The following MYO3B variants were observed in gnomAD, a reference collection of about 807,000 sequenced individuals.
MYO3B encodes myosin-IIIb.
In MYO3B, 156 loss-of-function variants were observed where a neutral mutation model predicts 174.6. That is an observed-to-expected ratio of 0.89 (90% CI 0.78 to 1.02). MYO3B has a LOEUF of 1.02. Among genes scored for constraint, MYO3B ranks in the 50% least tolerant of loss-of-function variants. The pLI is 0.00. For synonymous variants in MYO3B, 563 were observed against 569.1 expected, an observed-to-expected ratio of 0.99 and a Z score of 0.15; for missense variants, 1,632 against 1,639.4, an observed-to-expected ratio of 1.00 and a Z score of 0.08.
chr2:170,426,795 G>A (rs1304999759), intron 22 of MYO3B, among the ~76,000 whole-genome samples: 4 of 151,956 alleles, frequency 2.6e-5, no homozygotes, highest in African/African-American at 7.2e-5. Context: ...CAAGGCAGGC[G>A]GATCATGAGG....
intron 6 of MYO3B, among the ~76,000 whole-genome samples, chr2:170,228,542 T>C (rs2092977833): frequency 6.6e-6 from 1 of 152,136 alleles, no homozygotes; most frequent in Non-Finnish European, 1.5e-5. Flanking sequence ...GAACGGGACT[T>C]AACACACAAG....
intron 6 of MYO3B, among the ~76,000 whole-genome samples, chr2:170,235,086 C>G (rs547594736): frequency 6.6e-6 from 1 of 152,314 alleles, no homozygotes; most frequent in South Asian, 2.1e-4. Flanking sequence ...CTCTGGTCTT[C>G]CTGTGCTCAC....
rs559086883 is a variant in MYO3B, at chr2:170,537,448, ATTTTTTTTT to A, written c.3576-5433_3576-5425del. ...ACCTTCTCTTATTAAGAGCTCTTTG[ATTTTTTTTT>A]TTTTTTTTTTTTTTTTTTTTTTTTG... On this transcript the variant is annotated intron_variant, in intron 30 of 34. Transcript: ENST00000408978. 6.4e-3 allele frequency among the ~76,000 whole-genome samples: 350 copies of A among 54,812 alleles called. 7 individuals carry two copies. In the East Asian group the frequency reaches 0.15, roughly 24 times the overall value. 36.0% of individuals were successfully genotyped at this position (54,812 alleles called of 152,430 possible).
intron 32 of MYO3B, 110 bp from the exon 33 acceptor site, chr2:170,651,518 A>G: frequency 1.2e-6 from 1 of 816,314 alleles, no homozygotes; most frequent in Non-Finnish European, 2.1e-6. Context: ...TAATATGCCC[A>G]TTAAAATAGG....
At chr2:170,304,292 G>A (rs375815910) in intron 7 of MYO3B, among the ~76,000 whole-genome samples, 1 of 151,752 alleles carries the variant, frequency 6.6e-6, no homozygotes, top group African/African-American at 2.4e-5. Context: ...ATCAACAGTT[G>A]GTATTACTAA....
intron 7 of MYO3B, 40 bp from the exon 8 acceptor site, chr2:170,335,345 A>G (rs1366760967): frequency 6.7e-7 from 1 of 1,490,718 alleles, no homozygotes; most frequent in Non-Finnish European, 9.3e-7. Flanking sequence ...CTTTAATGAA[A>G]TTCTTCTTTC....
chr2:170,367,686 T>G (rs1474073612), intron 8 of MYO3B, among the ~76,000 whole-genome samples: 1 of 152,214 alleles, frequency 6.6e-6, no homozygotes, highest in Admixed American at 6.5e-5. Context: ...ATATTAACTT[T>G]GATAGTTACA....
At chr2:170,455,025 C>T (rs1277800509) in intron 23 of MYO3B, among the ~76,000 whole-genome samples, 1 of 152,086 alleles carries the variant, frequency 6.6e-6, no homozygotes, top group Non-Finnish European at 1.5e-5. Context: ...CCATCGAGTG[C>T]CGGGTCTGTA....
intron 26 of MYO3B, 28 bp from the exon 27 acceptor site, chr2:170,499,618 T>G: frequency 6.2e-7 from 1 of 1,610,540 alleles, no homozygotes; most frequent in Non-Finnish European, 8.5e-7. Context: ...AACCCATATG[T>G]AATGCTAAAA....
chr2:170,600,038 T>A (rs1694411748), intron 32 of MYO3B, among the ~76,000 whole-genome samples: 1 of 152,148 alleles, frequency 6.6e-6, no homozygotes, highest in South Asian at 2.1e-4. Context: ...ATGGCAGTGA[T>A]GGCTCTGGGA....
At chr2:170,390,297 G>A (rs1326577042) in intron 14 of MYO3B, among the ~76,000 whole-genome samples, 2 of 152,128 alleles carry the variant, frequency 1.3e-5, no homozygotes, top group Non-Finnish European at 2.9e-5. Context: ...GGATGGTGAT[G>A]TGTGCCTATA....
At chr2:170,597,651 A>G (rs2106336044) in intron 32 of MYO3B, among the ~76,000 whole-genome samples, 1 of 152,266 alleles carries the variant, frequency 6.6e-6, no homozygotes, top group Non-Finnish European at 1.5e-5. Context: ...GGGGAAAAAA[A>G]AGAAAAGATG....
chr2:170,513,814 C>CA (rs1688127051), intron 28 of MYO3B, among the ~76,000 whole-genome samples: 3 of 152,122 alleles, frequency 2.0e-5, no homozygotes, highest in Admixed American at 2.0e-4. Flanking sequence ...ACAAGGGTGA[C>CA]ACCAAGTTGG....
Position 170,235,167 on chromosome 2 carries a change from A to G in MYO3B, c.604-824A>G, listed in dbSNP as rs549471092. On this transcript the variant is annotated intron_variant, in intron 6 of 34. Transcript: ENST00000408978. ...TGAAGTCTCCCACCTGGCCATGGCC[A>G]TGGGTCATCCTGGTGGCAGATTTTA... 2.6e-5 allele frequency among the ~76,000 whole-genome samples: 4 copies of G among 152,330 alleles called. No individual in the cohort carries two copies. In the East Asian group the frequency reaches 7.7e-4, roughly 29 times the overall value.
intron 25 of MYO3B, among the ~76,000 whole-genome samples, chr2:170,481,297 A>C (rs1394845621): frequency 6.6e-6 from 1 of 152,216 alleles, no homozygotes; most frequent in Non-Finnish European, 1.5e-5. Context: ...CAGCATCCTC[A>C]ATACCCTGGA....
chr2:170,439,712 G>A (rs533889865), intron 22 of MYO3B, among the ~76,000 whole-genome samples: 11 of 152,084 alleles, frequency 7.2e-5, no homozygotes, highest in South Asian at 6.2e-4. Flanking sequence ...ACAGAGTCTC[G>A]CTCTGTCGCC....
At chr2:170,613,330 G>A (rs1386912489) in intron 32 of MYO3B, among the ~76,000 whole-genome samples, 1 of 152,178 alleles carries the variant, frequency 6.6e-6, no homozygotes, top group African/African-American at 2.4e-5. Context: ...CTTCACAGAA[G>A]AGGTTGTTCC....
intron 5 of MYO3B, among the ~76,000 whole-genome samples, chr2:170,215,262 C>A (rs942427808): frequency 6.6e-6 from 1 of 152,142 alleles, no homozygotes; most frequent in Non-Finnish European, 1.5e-5. Flanking sequence ...GTCCTCTGGG[C>A]CTGGGAGCTA....
intron 7 of MYO3B, among the ~76,000 whole-genome samples, chr2:170,255,399 A>G (rs1229670909): frequency 6.6e-6 from 1 of 152,184 alleles, no homozygotes; most frequent in Non-Finnish European, 1.5e-5. Context: ...CTGAAGTACA[A>G]AAAAGGTACA....
Sources: gnomAD v4.1 joint callset for allele counts (sites outside exome capture counted in the v4.1 genomes callset) on GRCh38, gnomAD v4.1.1 for gene constraint, MANE v1.5 for transcripts, NCBI Gene and HGNC (gene_info 2026-07-23, HGNC 2026-07-21) for gene names.